The following NAV2 variants were observed in gnomAD, a reference collection of about 807,000 sequenced individuals.
NAV2 encodes the protein helicase, APC down-regulated 1.
A neutral mutation model predicts 223.2 loss-of-function variants in NAV2; 54 were observed. The observed-to-expected ratio is 0.24, with a 90% confidence interval of 0.19 to 0.30. NAV2 has a LOEUF of 0.30. Ranked by LOEUF, NAV2 falls within the 10% of genes least tolerant of loss-of-function variation. The pLI, the probability that NAV2 is intolerant of heterozygous loss-of-function variation, is 1.00. For synonymous variants in NAV2, 1,279 were observed against 1,239.3 expected, an observed-to-expected ratio of 1.03 and a Z score of -0.67; for missense variants, 2,806 against 3,147.5, an observed-to-expected ratio of 0.89 and a Z score of 2.60.
chr11:19,781,601 G>A (rs1041595891), intron 1 of NAV2, among the ~76,000 whole-genome samples: 8 of 152,148 alleles, frequency 5.3e-5, no homozygotes, highest in African/African-American at 1.9e-4. Context: ...CCTGTCCACA[G>A]CCAGGCTAAC....
intron 1 of NAV2, among the ~76,000 whole-genome samples, chr11:19,657,667 G>A (rs891330190): frequency 3.9e-5 from 6 of 152,154 alleles, no homozygotes; most frequent in African/African-American, 1.4e-4. Flanking sequence ...AGGGCCTTGA[G>A]GGAAAGACTG....
At chr11:19,860,056 C>T (rs2061637507) in intron 3 of NAV2, among the ~76,000 whole-genome samples, 1 of 120,850 alleles carries the variant, frequency 8.3e-6, no homozygotes, top group Admixed American at 8.0e-5. Context: ...CCCCCCCCAA[C>T]TCCCTCCTGG....
chr11:19,345,284 C>T, the NAV2 span, among the ~76,000 whole-genome samples: 10 of 152,316 alleles, frequency 6.6e-5, no homozygotes, highest in African/African-American at 9.6e-5. This position sits in a 1 kb window ranked among gnomAD's most constrained non-coding sequence, Gnocchi z 5.2. Flanking sequence ...CTGGAGGAGG[C>T]GGCTCCGCGA....
At chr11:19,528,643 A>G (rs2043921165) in intron 1 of NAV2, among the ~76,000 whole-genome samples, 1 of 150,670 alleles carries the variant, frequency 6.6e-6, no homozygotes, top group Admixed American at 6.6e-5. Flanking sequence ...TTTTTTAAGA[A>G]TGGGAAGGCC....
chr11:19,542,239 C>T lies in NAV2; in HGVS notation c.75+191212C>T, dbSNP rs116039209. ...CCCATATGGAGCTAATAATGGGTAC[C>T]CTTTAAGGAACACTCACCACCTGCC... is the stretch of plus-strand genomic sequence containing the variant. On this transcript the variant is annotated intron_variant, in intron 1 of 37. Coordinates refer to the NAV2 transcript ENST00000360655. Among the ~76,000 whole-genome samples, 633 of 152,298 alleles carry T rather than the reference C, an allele frequency of 4.2e-3. 5 individuals are homozygous for T. The highest frequency in any genetic ancestry group is 0.015 in the African/African-American group (603 of 41,570).
At chr11:19,732,809 CTG>C (rs982929871) in intron 1 of NAV2, among the ~76,000 whole-genome samples, 10 of 152,202 alleles carry the variant, frequency 6.6e-5, no homozygotes, top group Non-Finnish European at 1.5e-4. Context: ...TGCCCAGCCT[CTG>C]CAGGGTCAGG....
At chr11:20,021,964 G>A (rs571349041) in intron 11 of NAV2, among the ~76,000 whole-genome samples, 15 of 152,234 alleles carry the variant, frequency 9.9e-5, no homozygotes, top group Admixed American at 5.2e-4. Flanking sequence ...CAGAGACCTC[G>A]CTTGGAGCCA....
At chr11:19,828,393 C>G (rs118039518) in intron 1 of NAV2, among the ~76,000 whole-genome samples, 1,614 of 152,372 alleles carry the variant, frequency 0.011, 12 homozygotes, top group South Asian at 0.069. Context: ...TACTTCGTCT[C>G]TATGAATTTG....
At chr11:19,682,670 G>A (rs1160892721) in intron 1 of NAV2, among the ~76,000 whole-genome samples, 1 of 152,170 alleles carries the variant, frequency 6.6e-6, no homozygotes, top group African/African-American at 2.4e-5. Context: ...AAGGGATGGG[G>A]GGCTACATAT....
At chr11:19,939,620 C>A in intron 7 of NAV2, 41 bp from the exon 8 acceptor site, 1 of 1,528,368 alleles carries the variant, frequency 6.5e-7, no homozygotes, top group Non-Finnish European at 9.1e-7. Context: ...GTGGTAGTTG[C>A]CTCTCATGAC....
chr11:19,379,685 G>A (rs1198312359), intron 1 of NAV2, among the ~76,000 whole-genome samples: 1 of 152,178 alleles, frequency 6.6e-6, no homozygotes, highest in Non-Finnish European at 1.5e-5. Context: ...GAGCTGACCA[G>A]AGCTTCACAT....
Position 19,475,943 on chromosome 11 carries a change from C to A in NAV2, c.75+124916C>A, listed in dbSNP as rs768863459. ...CTCAGTCTTCACCATGACCTTTCTG[C>A]CTGAAGTCGAGTGTCAGTTGCCCTT... On this transcript the variant is annotated intron_variant, in intron 1 of 37. Transcript: ENST00000360655. Among the ~76,000 whole-genome samples the A allele has an allele frequency of 1.5e-4, 23 of 152,198 alleles. 1 individual carries two copies. Among genetic ancestry groups the A allele is most frequent in the Non-Finnish European group, 4.4e-5 (3 of 68,044 alleles).
At chr11:19,851,417 GATGTGGGATAAGAAGAATAAGCAT>G (rs1257389547) in intron 3 of NAV2, among the ~76,000 whole-genome samples, 5 of 152,238 alleles carry the variant, frequency 3.3e-5, no homozygotes, top group Non-Finnish European at 5.9e-5. Flanking sequence ...TTGGGAAGGA[GATGTGGGATAAGAAGAATAAGCAT>G]GGGCTCTGGG....
chr11:19,889,139 A>G (rs183914831), intron 5 of NAV2, among the ~76,000 whole-genome samples: 2 of 152,202 alleles, frequency 1.3e-5, no homozygotes, highest in East Asian at 3.9e-4. Flanking sequence ...GTTCAGTCTG[A>G]ATTAGTTCAG....
At chr11:19,887,337 C>T (rs2041096854) in intron 5 of NAV2, among the ~76,000 whole-genome samples, 1 of 151,928 alleles carries the variant, frequency 6.6e-6, no homozygotes, top group South Asian at 2.1e-4. Context: ...TCCCGGCCTC[C>T]CTGGTGAGCC....
At chr11:19,912,249 C>T (rs557527050) in intron 6 of NAV2, among the ~76,000 whole-genome samples, 2 of 152,180 alleles carry the variant, frequency 1.3e-5, no homozygotes, top group Admixed American at 1.3e-4. Flanking sequence ...CTCTAGGACA[C>T]TTTGCTGCTT....
At chr11:19,512,510 G>T (rs1186149429) in intron 1 of NAV2, among the ~76,000 whole-genome samples, 1 of 152,196 alleles carries the variant, frequency 6.6e-6, no homozygotes, top group Non-Finnish European at 1.5e-5. Context: ...AATTAAAAAG[G>T]AAGGGTCCCA....
chr11:19,950,725 G>T (rs2047323793), intron 10 of NAV2, among the ~76,000 whole-genome samples: 1 of 152,140 alleles, frequency 6.6e-6, no homozygotes, highest in African/African-American at 2.4e-5. Context: ...AGGTTCACTG[G>T]AAAATCAGCT....
At chr11:19,886,724 G>T (rs1200941722) in intron 5 of NAV2, among the ~76,000 whole-genome samples, 1 of 152,188 alleles carries the variant, frequency 6.6e-6, no homozygotes, top group Non-Finnish European at 1.5e-5. Flanking sequence ...TGAATGATTT[G>T]TTATCAGTCC....
Sources: allele counts gnomAD v4.1 joint callset (sites outside exome capture counted in the v4.1 genomes callset), GRCh38; gene constraint gnomAD v4.1.1; non-coding constraint Gnocchi (gnomAD v3.1); transcripts MANE v1.5; gene names NCBI Gene and HGNC (gene_info 2026-07-23, HGNC 2026-07-21).